NUBPL: variants seen among roughly 807,000 people sequenced by gnomAD.
NUBPL encodes the protein iron-sulfur cluster transfer protein NUBPL.
NUBPL carries 31 observed loss-of-function variants against 45.7 expected under a neutral mutation model. The observed-to-expected ratio is 0.68, with a 90% CI of 0.51 to 0.92. NUBPL has a LOEUF of 0.92. Ranked by LOEUF, NUBPL falls within the 40% of genes least tolerant of loss-of-function variation. The pLI is 0.00. For missense variants in NUBPL, 401 were observed against 398.7 expected (o/e 1.01, Z -0.05); for synonymous variants, 144 against 140.9 (o/e 1.02, Z -0.15).
chr14:31,689,999 C>T (rs540217122), intron 6 of NUBPL, among the ~76,000 whole-genome samples: 4 of 150,640 alleles, frequency 2.7e-5, no homozygotes, highest in Non-Finnish European at 4.4e-5. Flanking sequence ...TTTCTGGGCT[C>T]TCTATTCTGT....
In NUBPL at chr14:31,618,241, A is replaced by AT. The variant is rs569842718; in HGVS notation, c.382+18868dup. ...AAAATACCAGCTCCTGGATTCATTGATTTTTTGAAGGGTGTTTTGTGTCTC... is the reference window on the plus strand; with the variant it reads ...AAAATACCAGCTCCTGGATTCATTGATTTTTTTGAAGGGTGTTTTGTGTCTC... On this transcript the variant is annotated intron_variant, in intron 4 of 10. Transcript: ENST00000281081. Among the ~76,000 whole-genome samples the AT allele has an allele frequency of 4.5e-3, 691 of 151,924 alleles. 6 individuals carry two copies. Among genetic ancestry groups the AT allele is most frequent in the African/African-American group, 0.016 (654 of 41,430 alleles).
chr14:31,678,888 G>A (rs1001983518), intron 6 of NUBPL, among the ~76,000 whole-genome samples: 25 of 152,102 alleles, frequency 1.6e-4, no homozygotes, highest in African/African-American at 5.6e-4. Context: ...TTGTAGCCTA[G>A]ACTCCCTTTG....
chr14:31,590,565 T>C (rs1011683944), intron 3 of NUBPL, among the ~76,000 whole-genome samples: 3 of 152,238 alleles, frequency 2.0e-5, no homozygotes, highest in African/African-American at 7.2e-5. Flanking sequence ...CTCTCAGAAT[T>C]ATAAATACTC....
At position 31,850,061 on chromosome 14, in the gene NUBPL, T is replaced by A; in HGVS notation, c.815-58T>A. The A allele has an allele frequency of 3.1e-6, 4 of 1,284,370 alleles. No homozygotes were observed. In the South Asian group the frequency reaches 3.6e-5, roughly 12 times the overall value. The allele number at this position is 1,284,370 out of a possible 1,614,324, so 79.6% of individuals were successfully genotyped here. The stretch of plus-strand genomic sequence containing the variant: ...TCTTTCCATAGTTCAAATAGTGAGA[T>A]TCAAAATGCCTATATGAACTTTTCT... On this transcript the variant is annotated intron_variant, in intron 9 of 10. Coordinates refer to ENST00000281081, the MANE Select transcript of NUBPL (RefSeq NM_025152.3).
intron 6 of NUBPL, among the ~76,000 whole-genome samples, chr14:31,699,926 T>C (rs989775713): frequency 2.6e-5 from 4 of 152,336 alleles, no homozygotes; most frequent in Admixed American, 6.5e-5. Flanking sequence ...AGATTTTAAA[T>C]GTTCTTACCA....
At chr14:31,770,214 G>A (rs1369509804) in intron 6 of NUBPL, among the ~76,000 whole-genome samples, 1 of 152,150 alleles carries the variant, frequency 6.6e-6, no homozygotes, top group Non-Finnish European at 1.5e-5. Context: ...TTTAATACAC[G>A]TAGAGCTGGC....
At chr14:31,813,120 G>A (rs1452247012) in intron 7 of NUBPL, among the ~76,000 whole-genome samples, 2 of 151,696 alleles carry the variant, frequency 1.3e-5, no homozygotes, top group Non-Finnish European at 2.9e-5. Flanking sequence ...CCAAGTAGCT[G>A]GGACTACAGG....
intron 4 of NUBPL, among the ~76,000 whole-genome samples, chr14:31,624,798 C>T (rs2035161508): frequency 6.6e-6 from 1 of 152,152 alleles, no homozygotes; most frequent in Admixed American, 6.5e-5. Context: ...CTCCTGACCT[C>T]AAGTGATCCG....
chr14:31,641,365 A>G (rs897779227), intron 4 of NUBPL, among the ~76,000 whole-genome samples: 7 of 151,986 alleles, frequency 4.6e-5, no homozygotes, highest in Non-Finnish European at 7.4e-5. Context: ...CCACCAGTCT[A>G]CTACTCTTTA....
At chr14:31,604,677 T>G (rs1212840718) in intron 4 of NUBPL, among the ~76,000 whole-genome samples, 1 of 152,204 alleles carries the variant, frequency 6.6e-6, no homozygotes, top group Non-Finnish European at 1.5e-5. Context: ...GATCATACGT[T>G]TATCCACATT....
At chr14:31,753,537 A>G (rs1372321322) in intron 6 of NUBPL, among the ~76,000 whole-genome samples, 1 of 152,110 alleles carries the variant, frequency 6.6e-6, no homozygotes, top group Non-Finnish European at 1.5e-5. Flanking sequence ...GGCATAGTGA[A>G]ATGACAGTGG....
At chr14:31,661,817 G>T (rs1009757956) in intron 4 of NUBPL, among the ~76,000 whole-genome samples, 9 of 152,316 alleles carry the variant, frequency 5.9e-5, no homozygotes, top group Non-Finnish European at 1.0e-4. Flanking sequence ...TGGGATTACA[G>T]GCGTGAGCCA....
At position 31,813,474 on chromosome 14, in the gene NUBPL, CAT is replaced by C. The variant is rs1426852891; in HGVS notation, c.608-13143_608-13142del. 2.5e-3 allele frequency among the ~76,000 whole-genome samples: 371 copies of C among 147,646 alleles called. 4 individuals are homozygous for C. The highest frequency in any genetic ancestry group is 8.3e-3 in the African/African-American group (332 of 40,094). ...ACACACACACACACACACATACATA[CAT>C]ATATATATATACACACATACATATA... On this transcript the variant is annotated intron_variant, in intron 7 of 10. Transcript: ENST00000281081.
At chr14:31,638,713 C>G (rs2035585518) in intron 4 of NUBPL, among the ~76,000 whole-genome samples, 2 of 152,188 alleles carry the variant, frequency 1.3e-5, no homozygotes, top group Non-Finnish European at 2.9e-5. Context: ...CTCCCTGTCA[C>G]TTTCAGGTAC....
chr14:31,804,283 A>G (rs1249263833), intron 7 of NUBPL, among the ~76,000 whole-genome samples: 1 of 152,244 alleles, frequency 6.6e-6, no homozygotes, highest in Non-Finnish European at 1.5e-5. Context: ...ATAACGAAGT[A>G]TATTTTAAGT....
intron 3 of NUBPL, among the ~76,000 whole-genome samples, chr14:31,573,814 T>C (rs1248930978): frequency 3.9e-5 from 6 of 152,362 alleles, no homozygotes; most frequent in African/African-American, 1.4e-4. Context: ...ACACTTTCTA[T>C]ATTATTTTAT....
At chr14:31,858,627 G>T (rs1440837889) in intron 10 of NUBPL, among the ~76,000 whole-genome samples, 1 of 152,020 alleles carries the variant, frequency 6.6e-6, no homozygotes, top group Non-Finnish European at 1.5e-5. Flanking sequence ...AGGTGAAAGA[G>T]CCTATAGGTG....
chr14:31,811,150 T>G (rs2039796830), intron 7 of NUBPL, among the ~76,000 whole-genome samples: 1 of 152,212 alleles, frequency 6.6e-6, no homozygotes, highest in African/African-American at 2.4e-5. Flanking sequence ...ACTTCCTGAA[T>G]TTGAATGTTG....
At chr14:31,633,013 A>G (rs116937732) in intron 4 of NUBPL, among the ~76,000 whole-genome samples, 9,636 of 152,332 alleles carry the variant, frequency 0.063, 418 homozygotes, top group Non-Finnish European at 0.091. Flanking sequence ...TAAGTCATTT[A>G]GAGGAAGCTC....
Sources: allele counts gnomAD v4.1 joint callset (sites outside exome capture counted in the v4.1 genomes callset), GRCh38; gene constraint gnomAD v4.1.1; transcripts MANE v1.5; gene names NCBI Gene and HGNC (gene_info 2026-07-23, HGNC 2026-07-21).